The following ACOT12 variants were observed in gnomAD, a reference collection of about 807,000 sequenced individuals.
ACOT12 encodes acyl-CoA thioesterase 12.
In ACOT12, 51 loss-of-function variants were observed where a neutral mutation model predicts 67.7. The observed-to-expected ratio is 0.75, with a 90% confidence interval of 0.60 to 0.95. ACOT12 has a LOEUF of 0.95. ACOT12 is among the 40% of genes least tolerant of loss of function. The probability of loss-of-function intolerance (pLI) is 0.00; values close to 1 mark genes in which losing one functional copy is unlikely to be tolerated. For missense variants in ACOT12, 734 were observed against 708.1 expected (o/e 1.04, Z -0.41); for synonymous variants, 251 against 244.6 (o/e 1.03, Z -0.24).
downstream of ACOT12, among the ~76,000 whole-genome samples, chr5:81,329,541 C>T (rs1758751944): frequency 1.3e-5 from 2 of 152,118 alleles, no homozygotes; most frequent in South Asian, 2.1e-4. Flanking sequence ...CAGCAGGATG[C>T]ATCTAATCTG....
At chr5:81,356,010 C>T (rs10053334) in intron 5 of ACOT12, among the ~76,000 whole-genome samples, 34,818 of 152,156 alleles carry the variant, frequency 0.23, 4,105 homozygotes, top group Admixed American at 0.29. Flanking sequence ...AGATGACACT[C>T]GGGCTGTTGG....
At chr5:81,353,260 A>C (rs998623683) in intron 5 of ACOT12, among the ~76,000 whole-genome samples, 3 of 152,214 alleles carry the variant, frequency 2.0e-5, no homozygotes, top group Non-Finnish European at 1.5e-5. Context: ...TTGGTGCAGA[A>C]GTTTGCTTAT....
At chr5:81,316,902 GGTT>G in the ACOT12 span, among the ~76,000 whole-genome samples, 1 of 151,958 alleles carries the variant, frequency 6.6e-6, no homozygotes, top group African/African-American at 2.4e-5. Context: ...TTTTTAATTG[GGTT>G]GTTATTTATT....
downstream of ACOT12, among the ~76,000 whole-genome samples, chr5:81,325,561 G>C (rs565814322): frequency 9.5e-4 from 144 of 152,266 alleles, 1 homozygote; most frequent in Non-Finnish European, 6.6e-4. Flanking sequence ...AAGGAAACGG[G>C]GGGGCATGTA....
chr5:81,325,432 A>T (rs1758651491), downstream of ACOT12, among the ~76,000 whole-genome samples: 2 of 152,168 alleles, frequency 1.3e-5, no homozygotes, highest in South Asian at 4.1e-4. Flanking sequence ...ATGAAGTATT[A>T]TGAATAGTTT....
At chr5:81,317,658 G>C in the ACOT12 span, among the ~76,000 whole-genome samples, 1 of 152,124 alleles carries the variant, frequency 6.6e-6, no homozygotes, top group East Asian at 1.9e-4. Context: ...TAGAGTGAAG[G>C]GGGAGGTGCT....
intron 1 of ACOT12, among the ~76,000 whole-genome samples, chr5:81,392,990 C>A (rs931783678): frequency 6.6e-6 from 1 of 152,202 alleles, no homozygotes; most frequent in African/African-American, 2.4e-5. Flanking sequence ...AGCCTTAATT[C>A]TTCACTCCAA....
In ACOT12 at chr5:81,330,070, T is replaced by TA. The variant is rs143082844; in HGVS notation, c.*323dup. ...GAATGCATGTTTCACCTCTGTAACCTAAAAATGTTTACGATAATTTAAACT... is the reference window on the plus strand; with the variant it reads ...GAATGCATGTTTCACCTCTGTAACCTAAAAAATGTTTACGATAATTTAAACT... On this transcript the variant is annotated 3_prime_UTR_variant, in exon 15 of 15. Transcript: ENST00000307624. 4.1e-3 allele frequency: 721 copies of TA among 176,512 alleles called. 7 individuals are homozygous for TA. Among genetic ancestry groups the TA allele is most frequent in the African/African-American group, 0.016 (687 of 42,538 alleles). 10.9% of individuals were successfully genotyped at this position (176,512 alleles called of 1,614,324 possible). A position where few individuals can be genotyped will look rare whatever the true frequency, so the allele number is the denominator to read the frequency against.
At chr5:81,378,407 A>T (rs1760482126) in intron 2 of ACOT12, among the ~76,000 whole-genome samples, 1 of 152,204 alleles carries the variant, frequency 6.6e-6, no homozygotes, top group Non-Finnish European at 1.5e-5. Flanking sequence ...AGGCAATACC[A>T]TTCAGGACAT....
the ACOT12 span, among the ~76,000 whole-genome samples, chr5:81,309,380 A>G: frequency 6.6e-6 from 1 of 152,196 alleles, no homozygotes. Flanking sequence ...TTATATATTC[A>G]GCCTCAGCCA....
chr5:81,367,961 A>C (rs1760132628), intron 3 of ACOT12, among the ~76,000 whole-genome samples: 1 of 152,098 alleles, frequency 6.6e-6, no homozygotes, highest in Non-Finnish European at 1.5e-5. Context: ...AAAAAGGCAA[A>C]CTTCATAATG....
intron 3 of ACOT12, 44 bp from the exon 4 acceptor site, chr5:81,363,933 A>G (rs1162311112): frequency 7.2e-7 from 1 of 1,380,626 alleles, no homozygotes; most frequent in Non-Finnish European, 9.6e-7. Flanking sequence ...TGGCCAGTTC[A>G]GATTTCAGCA....
At chr5:81,389,907 TTA>T (rs997190004) in intron 1 of ACOT12, among the ~76,000 whole-genome samples, 11 of 151,322 alleles carry the variant, frequency 7.3e-5, no homozygotes, top group African/African-American at 2.7e-4. Context: ...CTAATTATGT[TTA>T]TGTTTTATTT....
intron 1 of ACOT12, among the ~76,000 whole-genome samples, chr5:81,388,199 C>T (rs1258288767): frequency 6.6e-6 from 1 of 152,054 alleles, no homozygotes; most frequent in African/African-American, 2.4e-5. Context: ...TTAGACAAAC[C>T]AGAGAACACT....
At chr5:81,344,035 C>T (rs1448138850) in intron 9 of ACOT12, 125 bp downstream of exon 9, 20 of 1,258,588 alleles carry the variant, frequency 1.6e-5, no homozygotes, top group African/African-American at 4.5e-5. Flanking sequence ...TCAGCCTTTG[C>T]GGCCAGGAAA....
At chr5:81,384,753 A>G (rs1427261203) in intron 2 of ACOT12, among the ~76,000 whole-genome samples, 2 of 152,222 alleles carry the variant, frequency 1.3e-5, no homozygotes, top group Non-Finnish European at 1.5e-5. Flanking sequence ...AAACATTTAC[A>G]GATGATGCTT....
chr5:81,347,760 T>G lies in ACOT12; in HGVS notation c.653+14A>C. ...TGGTCCCAAAATCATAGGCCGAAGG[T>G]CAAAACCAAGAACCTTGCAGAAATA... On this transcript the variant is annotated intron_variant, in intron 6 of 14. Coordinates refer to ENST00000307624, the MANE Select transcript of ACOT12 (RefSeq NM_130767.3). 8 of 1,612,336 alleles carry G rather than the reference T, an allele frequency of 5.0e-6. No homozygotes were observed. The highest frequency in any genetic ancestry group is 6.8e-6 in the Non-Finnish European group (8 of 1,179,086).
At chr5:81,385,351 C>A (rs1481630899) in intron 2 of ACOT12, among the ~76,000 whole-genome samples, 1 of 152,110 alleles carries the variant, frequency 6.6e-6, no homozygotes, top group East Asian at 1.9e-4. Flanking sequence ...CCTGTAGTCC[C>A]AGCTACTTGG....
chr5:81,354,186 TAAAAG>T (rs1246932473), intron 5 of ACOT12, among the ~76,000 whole-genome samples: 2 of 152,232 alleles, frequency 1.3e-5, no homozygotes, highest in Admixed American at 6.5e-5. Flanking sequence ...AAGCAGATGA[TAAAAG>T]AAGACTTTGA....
Sources: gnomAD v4.1 joint callset for allele counts (sites outside exome capture counted in the v4.1 genomes callset) on GRCh38, gnomAD v4.1.1 for gene constraint, MANE v1.5 for transcripts, NCBI Gene and HGNC (gene_info 2026-07-23, HGNC 2026-07-21) for gene names.